The following ARPC1B variants were observed in gnomAD, a reference collection of about 807,000 sequenced individuals.
The protein encoded by ARPC1B is actin-related protein 2/3 complex subunit 1B.
In ARPC1B, 29 loss-of-function variants were observed where a neutral mutation model predicts 46.0. The ratio of observed to expected loss-of-function variants is 0.63; its 90% CI spans 0.47 to 0.86. The LOEUF (loss-of-function observed/expected upper bound fraction) is 0.86. Among genes scored for constraint, ARPC1B ranks in the 40% least tolerant of loss-of-function variants. The pLI, the probability that ARPC1B is intolerant of heterozygous loss-of-function variation, is 0.00. For missense variants in ARPC1B, 469 were observed against 529.4 expected, an observed-to-expected ratio of 0.89 and a Z score of 1.12; for synonymous variants, 201 against 213.9, an observed-to-expected ratio of 0.94 and a Z score of 0.53.
In ARPC1B at chr7:99,392,838, G is replaced by C. The variant is rs1299784255; in HGVS notation, c.951G>C (p.Ala317=). ...CGAGCTCCGAGGGTGGCACGGCTGC[G>C]GGCGCGGGCCTAGACTCGCTGCACA... is the stretch of plus-strand genomic sequence containing the variant. ...KKASSEGGTA[A]GAGLDSLHKN... is the part of the protein sequence containing the mutation. The change falls in exon 8 of 10, where the codon GCG becomes GCC. Residue 317 remains alanine (A), a synonymous_variant. Coordinates refer to ENST00000646101, the MANE Select transcript of ARPC1B (RefSeq NM_005720.4). 2 of 1,549,926 alleles carry C rather than the reference G, an allele frequency of 1.3e-6. No individual in the cohort carries two copies. Among genetic ancestry groups the C allele is most frequent in the South Asian group, 1.2e-5 (1 of 84,070 alleles).
chr7:99,387,431 C>T (rs762972601), intron 3 of ARPC1B, among the ~76,000 whole-genome samples: 1 of 149,560 alleles, frequency 6.7e-6, no homozygotes, highest in Admixed American at 6.7e-5. Context: ...GAGACTGTGT[C>T]GCAATAAAAA....
In ARPC1B at chr7:99,386,789, G is replaced by A. The variant is rs1384337812; in HGVS notation, c.169G>A (p.Gly57Ser). The change falls in exon 3 of 10, where the codon GGC (glycine) becomes AGC (serine). Residue 57 changes from glycine (G) to serine (S), a missense_variant and splice_region_variant. Coordinates refer to ENST00000646101, the MANE Select transcript of ARPC1B (RefSeq NM_005720.4). ...ELKEHNGQVT[G>S]IDWAPESNRI... is the part of the protein sequence containing the mutation. ...CAAGGAGCACAACGGGCAGGTGACA[G>A]GTATGTCAGGGTGGCTGGGACCACC... The A allele has an allele frequency of 1.2e-6, 2 of 1,611,460 alleles. No homozygotes were observed. The highest frequency in any genetic ancestry group is 1.7e-4 in the Middle Eastern group (1 of 5,854).
rs908083300 is a variant in ARPC1B at position 99,386,843 on chromosome 7, G to T, written c.169+54G>T. 1.8e-5 allele frequency: 25 copies of T among 1,391,464 alleles called. No individual in the cohort carries two copies. The Middle Eastern group carries it at 6.7e-4, about 37-fold the overall frequency. 86.2% of individuals were successfully genotyped at this position (1,391,464 alleles called of 1,614,324 possible). ...CTGAAAGGAGGTGGTGGGTTGGGGG[G>T]GTGGTGCAAGGCAGGGCATGGCCAC... On this transcript the variant is annotated intron_variant, in intron 3 of 9. Coordinates refer to ENST00000646101, the MANE Select transcript of ARPC1B (RefSeq NM_005720.4).
At chr7:99,379,952 C>CCT (rs1794161802) in intron 1 of ARPC1B, among the ~76,000 whole-genome samples, 1 of 152,116 alleles carries the variant, frequency 6.6e-6, no homozygotes, top group Non-Finnish European at 1.5e-5. Flanking sequence ...GCTATCCCCT[C>CCT]CTCTCTCTGG....
intron 1 of ARPC1B, among the ~76,000 whole-genome samples, chr7:99,380,228 C>T (rs1056175221): frequency 2.0e-5 from 3 of 152,120 alleles, no homozygotes; most frequent in Non-Finnish European, 4.4e-5. Flanking sequence ...GGCTAGAATC[C>T]CTGAGGCAGG....
rs575641367 is a variant in ARPC1B at position 99,375,365 on chromosome 7, C to T, written c.-14+584C>T. On this transcript the variant is annotated intron_variant, in intron 1 of 9. Transcript: ENST00000646101. The stretch of plus-strand genomic sequence containing the variant: ...GGCCGCTCCCGCTGCTCCCACCCGC[C>T]TCCCCCGGGCCAGGTCCGAGGGGTC... Among the ~76,000 whole-genome samples the T allele has an allele frequency of 2.5e-4, 38 of 152,318 alleles. No individual in the cohort carries two copies. In the East Asian group the frequency reaches 7.0e-3, roughly 28 times the overall value.
chr7:99,389,821 G>T, intron 4 of ARPC1B, 84 bp from the exon 5 acceptor site: 1 of 1,160,860 alleles, frequency 8.6e-7, no homozygotes. Context: ...AGGGAGCAGT[G>T]GGAGCCTGGA....
At chr7:99,390,812 C>G (rs1794548329) in intron 5 of ARPC1B, 81 bp from the exon 6 acceptor site, 3 of 1,330,560 alleles carry the variant, frequency 2.3e-6, no homozygotes, top group Admixed American at 2.1e-5. Context: ...ATCCTCCCGC[C>G]TCAGCCTCCT....
chr7:99,375,889 C>T (rs934873183), intron 1 of ARPC1B, among the ~76,000 whole-genome samples: 31 of 152,104 alleles, frequency 2.0e-4, no homozygotes, highest in Non-Finnish European at 8.8e-5. Context: ...TGGTGAAACC[C>T]TGTCTCTACT....
rs1232934421 is a variant in ARPC1B at position 99,392,892 on chromosome 7, G to C, written c.989+16G>C. ...ACAGCGTCAGGTGAGAGCGGGAGCC[G>C]GGCCGGCGGGTGGGCGGGGCCTCGG... On this transcript the variant is annotated intron_variant, in intron 8 of 9. Coordinates refer to ENST00000646101, the MANE Select transcript of ARPC1B (RefSeq NM_005720.4). 15 of 1,524,570 alleles carry C rather than the reference G, an allele frequency of 9.8e-6. No individual in the cohort carries two copies. Among genetic ancestry groups the C allele is most frequent in the African/African-American group, 1.4e-5 (1 of 72,096 alleles). 94.4% of individuals were successfully genotyped at this position (1,524,570 alleles called of 1,614,324 possible). A position where few individuals can be genotyped will look rare whatever the true frequency, so the allele number is the denominator to read the frequency against.
rs755244401 is a variant in ARPC1B at position 99,394,009 on chromosome 7, G to A, written c.990-20G>A. 6.2e-7 allele frequency: 1 copy of A among 1,611,064 alleles called. No individual in the cohort carries two copies. Among genetic ancestry groups the A allele is most frequent in the Non-Finnish European group, 8.5e-7 (1 of 1,179,846 alleles). ...GCGCCAGCACAGGTTGAATTCATAA[G>A]CTCCTCTTCCTCTTTGCAGCCAGAT... On this transcript the variant is annotated intron_variant, in intron 8 of 9. Coordinates refer to ENST00000646101, the MANE Select transcript of ARPC1B (RefSeq NM_005720.4).
chr7:99,380,843 G>A (rs1205281197), intron 1 of ARPC1B, among the ~76,000 whole-genome samples: 1 of 152,174 alleles, frequency 6.6e-6, no homozygotes, highest in African/African-American at 2.4e-5. Context: ...GCCTCCTGGG[G>A]CTGAAAGGGA....
intron 1 of ARPC1B, among the ~76,000 whole-genome samples, chr7:99,381,937 C>T (rs769345354): frequency 1.4e-4 from 22 of 152,210 alleles, no homozygotes; most frequent in Non-Finnish European, 2.5e-4. Flanking sequence ...GCTCCCAGCC[C>T]AGGCCCTGAG....
rs973376366 is a variant in ARPC1B at position 99,385,188 on chromosome 7, G to C, written c.-13-514G>C. Among the ~76,000 whole-genome samples, 4 of 150,906 alleles carry C rather than the reference G, an allele frequency of 2.7e-5. No homozygotes were observed. The Admixed American group carries it at 2.7e-4, about 10-fold the overall frequency. On this transcript the variant is annotated intron_variant, in intron 1 of 9. Transcript: ENST00000646101. ...CCAGGCTGGTCTTGAACTCCTGGCC[G>C]CAAGTGATCCGCCTGCCTCGATCTC... is the stretch of plus-strand genomic sequence containing the variant.
At chr7:99,374,447 T>A (rs1793975202), upstream of ARPC1B, 1 of 152,150 alleles carries the variant, frequency 6.6e-6, no homozygotes, top group African/African-American at 2.4e-5. The surrounding 1 kb of genome is among the most constrained non-coding windows in gnomAD (Gnocchi z 5.0). Flanking sequence ...CGGCCCAGGC[T>A]CGGAGGTCCA....
At chr7:99,380,565 C>T (rs1484488275) in intron 1 of ARPC1B, among the ~76,000 whole-genome samples, 1 of 152,166 alleles carries the variant, frequency 6.6e-6, no homozygotes, top group Non-Finnish European at 1.5e-5. Context: ...TTTTCCAGCC[C>T]CTCCTCTGCC....
In ARPC1B at chr7:99,392,654, C is replaced by T; in HGVS notation, c.784-17C>T. 3 of 1,489,210 alleles carry T rather than the reference C, an allele frequency of 2.0e-6. No individual in the cohort carries two copies. The highest frequency in any genetic ancestry group is 2.7e-6 in the Non-Finnish European group (3 of 1,113,376). The allele number at this position is 1,489,210 out of a possible 1,614,324, so 92.2% of individuals were successfully genotyped here. On this transcript the variant is annotated splice_polypyrimidine_tract_variant and intron_variant, in intron 7 of 9. Coordinates refer to ENST00000646101, the MANE Select transcript of ARPC1B (RefSeq NM_005720.4). Reference sequence around the variant, plus strand: ...TTCCCCTCCGCGGCGCTCCAATGGCCCCCGCCCTCCGCGCAGGGCCACGAC... The same window carrying T: ...TTCCCCTCCGCGGCGCTCCAATGGCTCCCGCCCTCCGCGCAGGGCCACGAC...
chr7:99,385,310 G>T lies in ARPC1B; in HGVS notation c.-13-392G>T, dbSNP rs899814825. Among the ~76,000 whole-genome samples the T allele has an allele frequency of 8.5e-4, 125 of 147,664 alleles. 2 individuals are homozygous for T. Among genetic ancestry groups the T allele is most frequent in the Non-Finnish European group, 1.6e-3 (107 of 66,104 alleles). ...ATGGGGCAGGGGAAGTTGGGTGGGG[G>T]GGGGGGGGTCGTCCATCCTATGAGG... On this transcript the variant is annotated intron_variant, in intron 1 of 9. Coordinates refer to ENST00000646101, the MANE Select transcript of ARPC1B (RefSeq NM_005720.4).
chr7:99,375,031 A>G (rs1190361672), intron 1 of ARPC1B, among the ~76,000 whole-genome samples: 1 of 84,222 alleles, frequency 1.2e-5, no homozygotes, highest in Non-Finnish European at 2.4e-5. Context: ...CGGAAAGGAG[A>G]GGGAGCCCTG....
Sources: gnomAD v4.1 joint callset for allele counts (sites outside exome capture counted in the v4.1 genomes callset) on GRCh38, gnomAD v4.1.1 for gene constraint, Gnocchi (gnomAD v3.1) non-coding constraint, MANE v1.5 for transcripts, NCBI Gene and HGNC (gene_info 2026-07-23, HGNC 2026-07-21) for gene names.